The following PTPRT variants were observed in gnomAD, a reference collection of about 807,000 sequenced individuals.
The protein encoded by PTPRT is receptor-type tyrosine-protein phosphatase T.
PTPRT carries 56 observed loss-of-function variants against 176.8 expected under a neutral mutation model. The observed-to-expected ratio is 0.32, with a 90% CI of 0.26 to 0.40. The LOEUF (loss-of-function observed/expected upper bound fraction) is 0.40. Ranked by LOEUF, PTPRT falls within the 10% of genes least tolerant of loss-of-function variation. The probability of loss-of-function intolerance (pLI) is 1.00; values close to 1 mark genes in which losing one functional copy is unlikely to be tolerated. For missense variants in PTPRT, 1,540 were observed against 1,908.2 expected, an observed-to-expected ratio of 0.81 and a Z score of 3.60; for synonymous variants, 783 against 739.0, an observed-to-expected ratio of 1.06 and a Z score of -0.96.
chr20:42,636,543 T>C (rs944415844), intron 7 of PTPRT, among the ~76,000 whole-genome samples: 2 of 151,928 alleles, frequency 1.3e-5, no homozygotes, highest in African/African-American at 4.8e-5. Flanking sequence ...CCCAACACTT[T>C]GGAGGCTGAG....
chr20:42,519,219 A>T (rs1322735787), intron 7 of PTPRT, among the ~76,000 whole-genome samples: 1 of 152,194 alleles, frequency 6.6e-6, no homozygotes, highest in Non-Finnish European at 1.5e-5. Flanking sequence ...ATATAAATAG[A>T]ATCATACAGC....
chr20:42,321,250 T>A (rs2057794925), intron 11 of PTPRT, among the ~76,000 whole-genome samples: 1 of 152,156 alleles, frequency 6.6e-6, no homozygotes, highest in Admixed American at 6.5e-5. Context: ...AGTTCTCAAC[T>A]TGTGGCTGCA....
At chr20:42,622,822 G>A (rs894133324) in intron 7 of PTPRT, among the ~76,000 whole-genome samples, 1 of 152,186 alleles carries the variant, frequency 6.6e-6, no homozygotes, top group African/African-American at 2.4e-5. Context: ...GGGAAATACT[G>A]GTTTGAAGAA....
At chr20:42,465,263 C>T (rs915678387) in intron 8 of PTPRT, among the ~76,000 whole-genome samples, 1 of 152,118 alleles carries the variant, frequency 6.6e-6, no homozygotes, top group Non-Finnish European at 1.5e-5. Context: ...GCTAACAAAA[C>T]TTCATATGTA....
chr20:42,728,311 A>C (rs1391373723), intron 6 of PTPRT, among the ~76,000 whole-genome samples: 1 of 152,158 alleles, frequency 6.6e-6, no homozygotes, highest in Non-Finnish European at 1.5e-5. Context: ...GGGGCCGGAG[A>C]ATTTACATTT....
chr20:42,574,980 GC>G (rs1312313664), intron 7 of PTPRT, among the ~76,000 whole-genome samples: 1 of 152,030 alleles, frequency 6.6e-6, no homozygotes, highest in African/African-American at 2.4e-5. Context: ...GTTTCCTGAG[GC>G]CTCCCCAGCC....
intron 9 of PTPRT, among the ~76,000 whole-genome samples, chr20:42,399,568 G>C (rs912322435): frequency 1.3e-5 from 2 of 152,182 alleles, no homozygotes; most frequent in East Asian, 1.9e-4. Context: ...GATAGGCCTG[G>C]GGTTGGACTA....
chr20:42,937,496 C>T (rs1980265578), intron 1 of PTPRT, among the ~76,000 whole-genome samples: 2 of 152,222 alleles, frequency 1.3e-5, no homozygotes, highest in East Asian at 1.9e-4. Flanking sequence ...AAAGCAGCCC[C>T]CTCCAATGTT....
intron 1 of PTPRT, among the ~76,000 whole-genome samples, chr20:42,944,954 A>G (rs1568693029): frequency 6.6e-6 from 1 of 152,000 alleles, no homozygotes. Flanking sequence ...CACTGTATGA[A>G]TGAATAAACC....
chr20:43,103,172 C>T (rs1385963391), intron 1 of PTPRT, among the ~76,000 whole-genome samples: 2 of 152,098 alleles, frequency 1.3e-5, no homozygotes, highest in East Asian at 1.9e-4. Context: ...TCCCCACTGG[C>T]GTTGGTGAGC....
intron 16 of PTPRT, among the ~76,000 whole-genome samples, chr20:42,189,400 T>A (rs1044364528): frequency 2.0e-5 from 3 of 152,176 alleles, no homozygotes; most frequent in Non-Finnish European, 4.4e-5. Context: ...TTGAAACTAA[T>A]CCACTTACAA....
intron 2 of PTPRT, among the ~76,000 whole-genome samples, chr20:42,873,657 T>C (rs2078882024): frequency 6.6e-6 from 1 of 152,032 alleles, no homozygotes; most frequent in African/African-American, 2.4e-5. Context: ...TAAACATTAT[T>C]AATAAGATGT....
At chr20:42,050,171 G>A in the PTPRT span, among the ~76,000 whole-genome samples, 1 of 152,204 alleles carries the variant, frequency 6.6e-6, no homozygotes, top group Admixed American at 6.5e-5. Flanking sequence ...CAAGTGCCTT[G>A]TGAGTGGGAG....
chr20:42,779,583 A>C (rs1001696157), intron 4 of PTPRT, among the ~76,000 whole-genome samples: 2 of 152,200 alleles, frequency 1.3e-5, no homozygotes, highest in African/African-American at 4.8e-5. Flanking sequence ...GAGATTTAGT[A>C]AATCCAGAAA....
intron 7 of PTPRT, among the ~76,000 whole-genome samples, chr20:42,579,977 C>T (rs2073340731): frequency 6.6e-6 from 1 of 152,068 alleles, no homozygotes; most frequent in Non-Finnish European, 1.5e-5. Flanking sequence ...AAGTCCTTGC[C>T]CATGCCTATG....
intron 6 of PTPRT, among the ~76,000 whole-genome samples, chr20:42,701,095 T>G (rs1359855297): frequency 1.3e-5 from 2 of 152,150 alleles, no homozygotes; most frequent in African/African-American, 2.4e-5. Context: ...ACAACTCAGT[T>G]TAGTCGAATG....
intron 1 of PTPRT, among the ~76,000 whole-genome samples, chr20:43,160,653 A>T (rs2014667639): frequency 6.6e-6 from 1 of 151,966 alleles, no homozygotes; most frequent in African/African-American, 2.4e-5. Flanking sequence ...CCATGAAGTC[A>T]GCCTTGAAAG....
intron 9 of PTPRT, among the ~76,000 whole-genome samples, chr20:42,437,203 G>T (rs377412376): frequency 2.0e-5 from 3 of 152,144 alleles, no homozygotes; most frequent in Non-Finnish European, 4.4e-5. Context: ...AAAAAGAAAA[G>T]AGACCCATGC....
intron 1 of PTPRT, among the ~76,000 whole-genome samples, chr20:43,093,795 G>C (rs967884176): frequency 6.6e-6 from 1 of 152,140 alleles, no homozygotes; most frequent in African/African-American, 2.4e-5. Context: ...GTATGTACCA[G>C]CCATGACGAT....
Sources: allele counts gnomAD v4.1 joint callset (sites outside exome capture counted in the v4.1 genomes callset), GRCh38; gene constraint gnomAD v4.1.1; transcripts MANE v1.5; gene names NCBI Gene and HGNC (gene_info 2026-07-23, HGNC 2026-07-21).